Variants in MMP28 observed in about 807,000 individuals in gnomAD.
MMP28 encodes matrix metalloproteinase-28.
In MMP28, 55 loss-of-function variants were observed where a neutral mutation model predicts 60.5. The ratio of observed to expected loss-of-function variants is 0.91; its 90% CI spans 0.73 to 1.14. MMP28 has a LOEUF of 1.14. MMP28 is among the 50% of genes most tolerant of loss of function. MMP28 has a pLI of 0.00. For missense variants in MMP28, 686 were observed against 738.3 expected, an observed-to-expected ratio of 0.93 and a Z score of 0.82; for synonymous variants, 318 against 312.5, an observed-to-expected ratio of 1.02 and a Z score of -0.18.
intron 1 of MMP28, among the ~76,000 whole-genome samples, chr17:35,790,257 G>A (rs1295826128): frequency 6.6e-6 from 1 of 151,552 alleles, no homozygotes; most frequent in African/African-American, 2.4e-5. Flanking sequence ...TAGAGATGAG[G>A]TTTCACCATG....
At chr17:35,776,511 A>G (rs1454580755) in intron 3 of MMP28, among the ~76,000 whole-genome samples, 1 of 152,116 alleles carries the variant, frequency 6.6e-6, no homozygotes, top group East Asian at 1.9e-4. Context: ...TTAAAAAACT[A>G]TCTGTTGTTC....
intron 1 of MMP28, among the ~76,000 whole-genome samples, chr17:35,792,583 T>TG (rs1249674746): frequency 2.6e-5 from 4 of 152,364 alleles, no homozygotes; most frequent in African/African-American, 7.2e-5. Context: ...CACTAAGTTT[T>TG]GGGGGTAATT....
At chr17:35,762,056 T>C (rs1454557109), downstream of MMP28, among the ~76,000 whole-genome samples, 1 of 152,174 alleles carries the variant, frequency 6.6e-6, no homozygotes, top group Non-Finnish European at 1.5e-5. Flanking sequence ...AGTGGCGTGA[T>C]CTCGGTAAAC....
chr17:35,780,814 G>A (rs1246962184), intron 1 of MMP28, among the ~76,000 whole-genome samples: 2 of 150,558 alleles, frequency 1.3e-5, no homozygotes, highest in Non-Finnish European at 1.5e-5. Context: ...CAGCCTGGGC[G>A]ACAGAGCAAG....
At chr17:35,788,567 GA>G (rs2086722216) in intron 1 of MMP28, among the ~76,000 whole-genome samples, 1 of 152,094 alleles carries the variant, frequency 6.6e-6, no homozygotes. Flanking sequence ...AAGTTCTTGG[GA>G]ACGGCTTCCA....
At chr17:35,784,592 C>T (rs1555610084) in intron 1 of MMP28, among the ~76,000 whole-genome samples, 1 of 152,076 alleles carries the variant, frequency 6.6e-6, no homozygotes, top group African/African-American at 2.4e-5. Flanking sequence ...CTACTCTGCA[C>T]AGTAGAAGGA....
intron 1 of MMP28, among the ~76,000 whole-genome samples, chr17:35,780,118 G>C (rs2086456036): frequency 6.6e-6 from 1 of 151,998 alleles, no homozygotes; most frequent in Admixed American, 6.6e-5. Context: ...GCCCAGGCTG[G>C]AGTGCAATGG....
At position 35,773,419 on chromosome 17, in the gene MMP28, G is replaced by A. The variant is rs374215915; in HGVS notation, c.380-15C>T. 194 of 1,567,570 alleles carry A rather than the reference G, an allele frequency of 1.2e-4. No individual in the cohort carries two copies. Among genetic ancestry groups the A allele is most frequent in the Middle Eastern group, 1.0e-3 (6 of 5,982 alleles). ...CCATTTGTTACCTGCCACCCAGAAA[G>A]CCCACGTCAGTCACACCTGCTGCAG... is the stretch of plus-strand genomic sequence containing the variant. On this transcript the variant is annotated splice_polypyrimidine_tract_variant and intron_variant, in intron 3 of 7. Coordinates refer to ENST00000605424, the MANE Select transcript of MMP28 (RefSeq NM_024302.5).
At chr17:35,794,589 C>G (rs961428563) in intron 1 of MMP28, among the ~76,000 whole-genome samples, 1 of 152,042 alleles carries the variant, frequency 6.6e-6, no homozygotes, top group Non-Finnish European at 1.5e-5. Context: ...TGATCCCCAC[C>G]CCTACCTCAC....
chr17:35,758,528 C>T (rs1428586673), intron 2 of MMP28, among the ~76,000 whole-genome samples: 5 of 151,972 alleles, frequency 3.3e-5, no homozygotes, highest in African/African-American at 1.2e-4. Context: ...CCCGTCTCTA[C>T]TAAGAATCCA....
At chr17:35,769,298 T>C (rs2086045446) in intron 5 of MMP28, among the ~76,000 whole-genome samples, 1 of 152,042 alleles carries the variant, frequency 6.6e-6, no homozygotes, top group Non-Finnish European at 1.5e-5. Flanking sequence ...TATTACAGGG[T>C]ATAAGTTTCT....
chr17:35,770,022 G>T lies in MMP28; in HGVS notation c.850+45C>A, dbSNP rs756843620. 6 of 1,498,966 alleles carry T rather than the reference G, an allele frequency of 4.0e-6. No homozygotes were observed. The Admixed American group carries it at 1.2e-4, about 30-fold the overall frequency. 92.9% of individuals were successfully genotyped at this position (1,498,966 alleles called of 1,614,324 possible). Reference sequence around the variant, plus strand: ...CGGCGTTCAAGGACAGGAGGCCTTGGGGGCAGGAGTGGGACCAAGAGCGGG... The same window carrying T: ...CGGCGTTCAAGGACAGGAGGCCTTGTGGGCAGGAGTGGGACCAAGAGCGGG... On this transcript the variant is annotated intron_variant, in intron 5 of 7. Coordinates refer to ENST00000605424, the MANE Select transcript of MMP28 (RefSeq NM_024302.5).
chr17:35,764,458 T>C (rs782043656), downstream of MMP28: 6 of 1,558,366 alleles, frequency 3.9e-6, no homozygotes, highest in South Asian at 2.4e-5. Flanking sequence ...CCGTGCGTGC[T>C]GGAGATCCGG....
chr17:35,795,155 G>A (rs2086931800), intron 1 of MMP28, 112 bp downstream of exon 1: 1 of 643,628 alleles, frequency 1.6e-6, no homozygotes, highest in Non-Finnish European at 2.3e-6. Flanking sequence ...GGAGGACAGG[G>A]GTAGGGTAAC....
At chr17:35,768,012 G>T in intron 6 of MMP28, 93 bp from the exon 7 acceptor site, 1 of 1,429,986 alleles carries the variant, frequency 7.0e-7, no homozygotes. Flanking sequence ...TTTCCCAAAT[G>T]GACAAGCATA....
In MMP28 at chr17:35,766,825, C is replaced by A; in HGVS notation, c.1238G>T (p.Gly413Val). 2 of 1,574,182 alleles carry A rather than the reference C, an allele frequency of 1.3e-6. No homozygotes were observed. ...WGLPQLCRAG[G>V]LPRHPDAALF... Reference sequence around the variant, plus strand: ...GGCGGCGTCAGGATGGCGGGGCAGGCCCCCTGCCCGGCACAGCTGTGGGAG... The same window carrying A: ...GGCGGCGTCAGGATGGCGGGGCAGGACCCCTGCCCGGCACAGCTGTGGGAG... The change falls in exon 8 of 8, where the codon GGC becomes GTC. Residue 413 changes from glycine (G) to valine (V), a missense_variant. Coordinates refer to ENST00000605424, the MANE Select transcript of MMP28 (RefSeq NM_024302.5). This position sits in a 1 kb window ranked among gnomAD's most constrained non-coding sequence, Gnocchi z 4.3.
rs140671030 is a variant in MMP28 at position 35,792,869 on chromosome 17, T to C, written c.111+2398A>G. 3.3e-5 allele frequency among the ~76,000 whole-genome samples: 5 copies of C among 152,322 alleles called. No homozygotes were observed. The East Asian group carries it at 9.6e-4, about 29-fold the overall frequency. On this transcript the variant is annotated intron_variant, in intron 1 of 7. Coordinates refer to ENST00000605424, the MANE Select transcript of MMP28 (RefSeq NM_024302.5). The stretch of plus-strand genomic sequence containing the variant: ...TACATATGTTATTTCAATGAAACCA[T>C]ACAACAATCTTGTGAAATAGGCATT...
rs550098227 is a variant in MMP28, at chr17:35,791,300, G to T, written c.111+3967C>A. On this transcript the variant is annotated intron_variant, in intron 1 of 7. Coordinates refer to ENST00000605424, the MANE Select transcript of MMP28 (RefSeq NM_024302.5). ...AGCCTTAATCCCAGCACTTTGGAAG[G>T]CCGAGGCAGGAGGATTGCTTAAGTC... Among the ~76,000 whole-genome samples the T allele has an allele frequency of 3.3e-5, 5 of 151,972 alleles. No homozygotes were observed. The East Asian group carries it at 9.8e-4, about 30-fold the overall frequency.
chr17:35,774,641 G>A (rs2086270455), intron 3 of MMP28, among the ~76,000 whole-genome samples: 1 of 152,212 alleles, frequency 6.6e-6, no homozygotes. Flanking sequence ...ATGCAAGTGG[G>A]GGAGGGGTAC....
Sources: allele counts gnomAD v4.1 joint callset (sites outside exome capture counted in the v4.1 genomes callset), GRCh38; gene constraint gnomAD v4.1.1; non-coding constraint Gnocchi (gnomAD v3.1); transcripts MANE v1.5; gene names NCBI Gene and HGNC (gene_info 2026-07-23, HGNC 2026-07-21).